The following CAPZB variants were observed in gnomAD, a reference collection of about 807,000 sequenced individuals.
The protein encoded by CAPZB is capping actin protein of muscle Z-line subunit beta, also known as F-actin-capping protein subunit beta.
A neutral mutation model predicts 38.1 loss-of-function variants in CAPZB; 2 were observed. The ratio of observed to expected loss-of-function variants is 0.05; its 90% CI spans 0.02 to 0.17. The LOEUF (loss-of-function observed/expected upper bound fraction) is 0.17. Ranked by LOEUF, CAPZB falls within the 10% of genes least tolerant of loss-of-function variation. CAPZB has a pLI of 1.00. For synonymous variants in CAPZB, 107 were observed against 127.4 expected (o/e 0.84, Z 1.08); for missense variants, 161 against 334.2 (o/e 0.48, Z 4.04).
chr1:19,415,446 T>C lies in CAPZB; in HGVS notation c.93+4215A>G, dbSNP rs181438638. Among the ~76,000 whole-genome samples, 8 of 152,344 alleles carry C rather than the reference T, an allele frequency of 5.3e-5. No homozygotes were observed. The East Asian group carries it at 9.6e-4, about 18-fold the overall frequency. ...TAAAACTGCATGTGAACTTCAATGC[T>C]ACAACAGTATACTCAGCACAGACCA... On this transcript the variant is annotated intron_variant, in intron 2 of 8. Coordinates refer to ENST00000264202, the MANE Select transcript of CAPZB (RefSeq NM_004930.5).
At chr1:19,350,594 T>C (rs214331) in intron 6 of CAPZB, among the ~76,000 whole-genome samples, 40,075 of 146,176 alleles carry the variant, frequency 0.27, 5,451 homozygotes, top group South Asian at 0.34. Flanking sequence ...CCTTGCAAGA[T>C]ATATGGTAGT....
chr1:19,360,850 G>A (rs900528978), intron 4 of CAPZB, among the ~76,000 whole-genome samples: 2 of 152,098 alleles, frequency 1.3e-5, no homozygotes, highest in Non-Finnish European at 2.9e-5. Flanking sequence ...AAGCTCAATT[G>A]TCACTCCTTG....
At chr1:19,345,833 G>C (rs2093957520) in intron 6 of CAPZB, among the ~76,000 whole-genome samples, 1 of 152,234 alleles carries the variant, frequency 6.6e-6, no homozygotes, top group South Asian at 2.1e-4. Flanking sequence ...GCAGAGCCTG[G>C]GTCAAACCCT....
At chr1:19,342,726 G>A (rs1312477759) in intron 8 of CAPZB, 2 of 1,420,500 alleles carry the variant, frequency 1.4e-6, no homozygotes, top group Non-Finnish European at 2.0e-6. Context: ...TAGTGGGGAG[G>A]GTCTCGCGGC....
At chr1:19,378,422 T>TAAC (rs961337347) in intron 4 of CAPZB, 118 bp downstream of exon 4, 2 of 674,062 alleles carry the variant, frequency 3.0e-6, no homozygotes, top group Non-Finnish European at 5.4e-6. Flanking sequence ...CTTGGCCGGG[T>TAAC]AACAGATTCA....
chr1:19,360,764 G>C (rs374531497), intron 4 of CAPZB, among the ~76,000 whole-genome samples: 1 of 152,132 alleles, frequency 6.6e-6, no homozygotes, highest in Non-Finnish European at 1.5e-5. Flanking sequence ...CTCCCACTAC[G>C]GGCAGCTTCT....
In CAPZB at chr1:19,357,874, C is replaced by A. The variant is rs1489463920; in HGVS notation, c.330-311G>T. 6.6e-6 allele frequency among the ~76,000 whole-genome samples: 1 copy of A among 152,168 alleles called. No homozygotes were observed. The highest frequency in any genetic ancestry group is 1.5e-5 in the Non-Finnish European group (1 of 68,040). ...CTCCTCCCAGATAAAGAATGCAGCA[C>A]GACTGACATCCAGTGACAATCCATG... is the stretch of plus-strand genomic sequence containing the variant. On this transcript the variant is annotated intron_variant, in intron 4 of 8. Coordinates refer to ENST00000264202, the MANE Select transcript of CAPZB (RefSeq NM_004930.5). This position sits in a 1 kb window ranked among gnomAD's most constrained non-coding sequence, Gnocchi z 4.3.
At chr1:19,432,327 A>G (rs1558256453) in intron 1 of CAPZB, among the ~76,000 whole-genome samples, 1 of 152,104 alleles carries the variant, frequency 6.6e-6, no homozygotes, top group African/African-American at 2.4e-5. Flanking sequence ...CTGTAGTCCT[A>G]GCTACCCAGG....
At chr1:19,416,892 T>TGCTCTGAC (rs1314955331) in intron 2 of CAPZB, among the ~76,000 whole-genome samples, 1 of 100,396 alleles carries the variant, frequency 1.0e-5, no homozygotes, top group Non-Finnish European at 2.0e-5. Flanking sequence ...AAAAAAAGTA[T>TGCTCTGAC]GCTCTGACAG....
chr1:19,426,417 T>G (rs899569210), intron 1 of CAPZB, among the ~76,000 whole-genome samples: 19 of 150,844 alleles, frequency 1.3e-4, no homozygotes, highest in African/African-American at 4.7e-4. Flanking sequence ...AGCGTGACTG[T>G]GACACTCCTC....
rs11580352 is a variant in CAPZB, at chr1:19,466,981, T to G, written c.3+18455A>C. The stretch of plus-strand genomic sequence containing the variant: ...CAGGAGTTATTCATAGGAAAAATCC[T>G]AACACACAAGCTCCAGGGATCCTCC... On this transcript the variant is annotated intron_variant, in intron 1 of 8. Transcript: ENST00000264202. 2.3e-3 allele frequency among the ~76,000 whole-genome samples: 349 copies of G among 152,212 alleles called. 1 individual carries two copies. Among genetic ancestry groups the G allele is most frequent in the African/African-American group, 8.2e-3 (339 of 41,528 alleles).
intron 2 of CAPZB, among the ~76,000 whole-genome samples, chr1:19,400,206 C>T (rs189397303): frequency 6.6e-5 from 10 of 152,126 alleles, no homozygotes; most frequent in African/African-American, 1.4e-4. Context: ...CAGTTTTTCC[C>T]GCTACCCATG....
intron 1 of CAPZB, among the ~76,000 whole-genome samples, chr1:19,472,471 G>C (rs185478901): frequency 9.2e-5 from 14 of 152,294 alleles, no homozygotes; most frequent in African/African-American, 3.4e-4. Context: ...AGCTGGTCCT[G>C]AGTGTGAACA....
chr1:19,379,961 G>A (rs1478542324), intron 3 of CAPZB, among the ~76,000 whole-genome samples: 2 of 152,002 alleles, frequency 1.3e-5, no homozygotes, highest in Admixed American at 6.6e-5. Context: ...TGCCTTTTCC[G>A]CATCCCCTCC....
chr1:19,407,326 C>G (rs1460697755), intron 2 of CAPZB, among the ~76,000 whole-genome samples: 2 of 152,162 alleles, frequency 1.3e-5, no homozygotes, highest in Non-Finnish European at 2.9e-5. Flanking sequence ...GCTAAAATAG[C>G]CTCCCCACCA....
intron 1 of CAPZB, among the ~76,000 whole-genome samples, chr1:19,462,410 A>T (rs1399329533): frequency 1.3e-5 from 2 of 151,952 alleles, no homozygotes; most frequent in African/African-American, 2.4e-5. Flanking sequence ...GTGAGCTGAG[A>T]TCGTGCCACT....
chr1:19,449,222 AC>A (rs1236294247), intron 1 of CAPZB: 2 of 1,133,046 alleles, frequency 1.8e-6, no homozygotes, highest in Non-Finnish European at 2.2e-6. Context: ...CAAAGCCGGA[AC>A]CAGGACAACA....
intron 4 of CAPZB, among the ~76,000 whole-genome samples, chr1:19,372,096 G>A (rs1393377574): frequency 6.6e-6 from 1 of 152,190 alleles, no homozygotes; most frequent in Non-Finnish European, 1.5e-5. Flanking sequence ...AGACAAGGAG[G>A]GCTGATTGGA....
In CAPZB at chr1:19,391,630, T is replaced by C. The variant is rs540617001; in HGVS notation, c.94-6004A>G. On this transcript the variant is annotated intron_variant, in intron 2 of 8. Transcript: ENST00000264202. ...CTCGTGTCAGAAACAAAATATACAG[T>C]GTGGCATTCTGTAAAAACACCAACC... Among the ~76,000 whole-genome samples, 18 of 152,294 alleles carry C rather than the reference T, an allele frequency of 1.2e-4. No individual in the cohort carries two copies. In the South Asian group the frequency reaches 3.7e-3, roughly 32 times the overall value.
Sources: gnomAD v4.1 joint callset for allele counts (sites outside exome capture counted in the v4.1 genomes callset) on GRCh38, gnomAD v4.1.1 for gene constraint, Gnocchi (gnomAD v3.1) non-coding constraint, MANE v1.5 for transcripts, NCBI Gene and HGNC (gene_info 2026-07-23, HGNC 2026-07-21) for gene names.